Variants in FBXL17 observed in about 807,000 individuals in gnomAD.
FBXL17 encodes the protein F-box and leucine rich repeat protein 17, also known as F-box/LRR-repeat protein 17.
A neutral mutation model predicts 66.2 loss-of-function variants in FBXL17; 22 were observed. The observed-to-expected ratio is 0.33, with a 90% CI of 0.24 to 0.47. The LOEUF is 0.47. Ranked by LOEUF, FBXL17 falls within the 20% of genes least tolerant of loss-of-function variation. The pLI is 1.00. For synonymous variants in FBXL17, 474 were observed against 400.5 expected (o/e 1.18, Z -2.19); for missense variants, 878 against 948.2 (o/e 0.93, Z 0.97).
chr5:108,346,056 T>C (rs1055387464), intron 4 of FBXL17, among the ~76,000 whole-genome samples: 4 of 152,166 alleles, frequency 2.6e-5, no homozygotes, highest in African/African-American at 9.6e-5. Context: ...AAATATTTGT[T>C]GTTACATTAC....
At chr5:108,341,168 A>G (rs1181117137) in intron 4 of FBXL17, among the ~76,000 whole-genome samples, 3 of 152,172 alleles carry the variant, frequency 2.0e-5, no homozygotes, top group African/African-American at 7.2e-5. Context: ...TAACAATGAA[A>G]AAGAATGAAT....
chr5:108,045,820 A>G (rs1747232344), intron 6 of FBXL17, among the ~76,000 whole-genome samples: 1 of 152,200 alleles, frequency 6.6e-6, no homozygotes, highest in Non-Finnish European at 1.5e-5. Context: ...CTGTGGTCAG[A>G]CAATACAATC....
At chr5:107,911,619 C>G (rs1749949909) in intron 7 of FBXL17, among the ~76,000 whole-genome samples, 1 of 152,064 alleles carries the variant, frequency 6.6e-6, no homozygotes, top group Non-Finnish European at 1.5e-5. Context: ...TGTTCCAGAC[C>G]TCACAGTCAG....
At chr5:107,919,805 C>A (rs1233504294) in intron 7 of FBXL17, among the ~76,000 whole-genome samples, 2 of 152,218 alleles carry the variant, frequency 1.3e-5, no homozygotes, top group African/African-American at 4.8e-5. Flanking sequence ...CCCTGCCCTG[C>A]ATCATTTTTC....
intron 6 of FBXL17, among the ~76,000 whole-genome samples, chr5:108,060,961 G>T (rs1286070536): frequency 6.6e-6 from 1 of 152,008 alleles, no homozygotes; most frequent in African/African-American, 2.4e-5. Context: ...CAGACATCTT[G>T]CCAGCAAGAT....
chr5:108,278,436 T>G (rs1459749272), intron 4 of FBXL17, among the ~76,000 whole-genome samples: 1 of 152,050 alleles, frequency 6.6e-6, no homozygotes, highest in African/African-American at 2.4e-5. Context: ...AAGTCAGGGG[T>G]GGACTCCTGC....
chr5:108,260,012 T>C (rs531932342), intron 4 of FBXL17, among the ~76,000 whole-genome samples: 28 of 142,096 alleles, frequency 2.0e-4, no homozygotes, highest in Middle Eastern at 3.7e-3. Context: ...GAAATAGTTA[T>C]AAGAAACTTA....
chr5:107,981,422 C>T (rs1025899873), intron 7 of FBXL17, among the ~76,000 whole-genome samples: 18 of 152,192 alleles, frequency 1.2e-4, no homozygotes, highest in Non-Finnish European at 2.6e-4. Context: ...GGTCAGTGCT[C>T]CTCTCCATTT....
chr5:108,093,559 G>C (rs1050388329), intron 6 of FBXL17, among the ~76,000 whole-genome samples: 1 of 151,904 alleles, frequency 6.6e-6, no homozygotes, highest in African/African-American at 2.4e-5. Flanking sequence ...ATTCCCTAAG[G>C]GTCACCAATG....
chr5:108,001,339 T>C (rs1189669665), intron 7 of FBXL17, among the ~76,000 whole-genome samples: 1 of 152,142 alleles, frequency 6.6e-6, no homozygotes, highest in African/African-American at 2.4e-5. Context: ...GTCTGCAAAA[T>C]GGAATTAATC....
intron 7 of FBXL17, among the ~76,000 whole-genome samples, chr5:107,978,152 T>G (rs1044444512): frequency 2.0e-5 from 3 of 152,196 alleles, no homozygotes; most frequent in Non-Finnish European, 2.9e-5. Flanking sequence ...TGAAACTGCC[T>G]TTGCAAAGAT....
At chr5:107,893,616 G>T (rs770978513) in intron 7 of FBXL17, among the ~76,000 whole-genome samples, 1 of 152,146 alleles carries the variant, frequency 6.6e-6, no homozygotes, top group Non-Finnish European at 1.5e-5. Context: ...TCTGATTCCA[G>T]TGGGTTTGGG....
chr5:107,906,176 T>C (rs1749751814), intron 7 of FBXL17, among the ~76,000 whole-genome samples: 1 of 152,116 alleles, frequency 6.6e-6, no homozygotes, highest in Non-Finnish European at 1.5e-5. Flanking sequence ...CAGAATAATT[T>C]CTACTAATAC....
intron 7 of FBXL17, among the ~76,000 whole-genome samples, chr5:108,005,289 G>A (rs1412562705): frequency 6.6e-6 from 1 of 152,098 alleles, no homozygotes; most frequent in Non-Finnish European, 1.5e-5. Flanking sequence ...CCCAGGTGAG[G>A]CCAGGACTGG....
chr5:108,009,276 T>TAGATAGATAG lies in FBXL17; in HGVS notation c.1822+11648_1822+11649insCTATCTATCT, dbSNP rs1304437287. ...GTTCCCTGTTTTATATATATATATA[T>TAGATAGATAG]ATATATATATATATATATATATATA... On this transcript the variant is annotated intron_variant, in intron 7 of 8. Coordinates refer to ENST00000542267, the MANE Select transcript of FBXL17 (RefSeq NM_001163315.3). Among the ~76,000 whole-genome samples the TAGATAGATAG allele has an allele frequency of 3.9e-4, 8 of 20,738 alleles. 2 individuals are homozygous for TAGATAGATAG. The highest frequency in any genetic ancestry group is 1.4e-3 in the African/African-American group (8 of 5,698). The allele number at this position is 20,738 out of a possible 152,430, so 13.6% of individuals were successfully genotyped here. A position where few individuals can be genotyped will look rare whatever the true frequency, so the allele number is the denominator to read the frequency against.
chr5:108,296,781 T>G (rs1758365117), intron 4 of FBXL17, among the ~76,000 whole-genome samples: 1 of 151,712 alleles, frequency 6.6e-6, no homozygotes, highest in Non-Finnish European at 1.5e-5. Context: ...TCTTTTAAAA[T>G]GAAAACTTCA....
intron 4 of FBXL17, among the ~76,000 whole-genome samples, chr5:108,310,475 A>G (rs1359874366): frequency 6.6e-6 from 1 of 152,158 alleles, no homozygotes; most frequent in Non-Finnish European, 1.5e-5. Flanking sequence ...AGTTATCTGT[A>G]TCTCAAAAAG....
rs553288475 is a variant in FBXL17 at position 108,288,794 on chromosome 5, G to A, written c.1506+59605C>T. ...AAAGTTGAAAACAGCTGTCTCTGTG[G>A]AGAAGACTAAAAATGGAGAGAGAGG... On this transcript the variant is annotated intron_variant, in intron 4 of 8. Transcript: ENST00000542267. Among the ~76,000 whole-genome samples the A allele has an allele frequency of 1.2e-3, 177 of 152,068 alleles. 2 individuals carry two copies. Among genetic ancestry groups the A allele is most frequent in the Admixed American group, 3.7e-3 (57 of 15,248 alleles).
intron 6 of FBXL17, among the ~76,000 whole-genome samples, chr5:108,058,504 TG>T (rs927920202): frequency 2.0e-5 from 3 of 152,074 alleles, no homozygotes; most frequent in Admixed American, 2.0e-4. Flanking sequence ...TCTTTTTTTT[TG>T]ACAGAGTCTT....
Sources: allele counts gnomAD v4.1 joint callset (sites outside exome capture counted in the v4.1 genomes callset), GRCh38; gene constraint gnomAD v4.1.1; transcripts MANE v1.5; gene names NCBI Gene and HGNC (gene_info 2026-07-23, HGNC 2026-07-21).